Variants in JAG1 observed in about 807,000 individuals in gnomAD.
JAG1 encodes jagged canonical Notch ligand 1, also known as protein jagged-1.
JAG1 carries 23 observed loss-of-function variants against 148.7 expected under a neutral mutation model. The ratio of observed to expected loss-of-function variants is 0.15; its 90% CI spans 0.11 to 0.22. JAG1 has a LOEUF of 0.22. Among genes scored for constraint, JAG1 ranks in the 10% least tolerant of loss-of-function variants. The probability of loss-of-function intolerance (pLI) is 1.00; values close to 1 mark genes in which losing one functional copy is unlikely to be tolerated. For synonymous variants in JAG1, 572 were observed against 598.3 expected (o/e 0.96, Z 0.64); for missense variants, 1,054 against 1,611.2 (o/e 0.65, Z 5.92).
rs10485741 is a variant in JAG1 at position 10,656,409 on chromosome 20, T to C, written c.744A>G (p.Pro248=). Residue 248 remains proline (P), a synonymous_variant, in exon 5 of 26, where the codon CCA becomes CCG. Transcript: ENST00000254958. ...CSPKHGSCKL[P]GDCRCQYGWQ... ...ACCAGTTGATTTACCTGCAGTCACC[T>C]GGGAGTTTGCAAGACCCATGCTTAG... 0.073 allele frequency: 117,316 copies of C among 1,613,022 alleles called. 4,713 individuals are homozygous for C. The highest frequency in any genetic ancestry group is 0.11 in the Admixed American group (6,851 of 60,020).
In JAG1 at chr20:10,652,486, C is replaced by T. The variant is rs1412480153; in HGVS notation, c.868G>A (p.Gly290Ser). The stretch of plus-strand genomic sequence containing the variant: ...GCCATACCTTTGTCACAGAGCTGGC[C>T]GCCCCAGTTGGTCTCACAGAGGCAC... ...WQCLCETNWG[G>S]QLCDKDLNYC... Residue 290 changes from glycine to serine, a missense_variant, in exon 6 of 26, where the codon GGC (glycine) becomes AGC (serine). Physicochemically the swap from Gly to Ser is moderately conservative, Grantham distance 56 (BLOSUM62 0). Transcript: ENST00000254958. The T allele has an allele frequency of 7.4e-6, 12 of 1,614,006 alleles. No individual in the cohort carries two copies. Among genetic ancestry groups the T allele is most frequent in the Admixed American group, 5.0e-5 (3 of 60,014 alleles).
chr20:10,652,720 G>T, intron 5 of JAG1, 122 bp from the exon 6 acceptor site: 1 of 1,038,292 alleles, frequency 9.6e-7, no homozygotes, highest in Non-Finnish European at 1.4e-6. Flanking sequence ...CAGGAAGGTA[G>T]ACTCCCAAGG....
chr20:10,644,738 G>A, intron 18 of JAG1, 125 bp downstream of exon 18: 1 of 804,210 alleles, frequency 1.2e-6, no homozygotes, highest in Non-Finnish European at 2.2e-6. Context: ...AGTCATTAAT[G>A]CAGACCCAGG....
chr20:10,640,682 G>A (rs1600178341), intron 25 of JAG1, 101 bp downstream of exon 25: 5 of 1,266,376 alleles, frequency 3.9e-6, no homozygotes, highest in Middle Eastern at 1.9e-4. Flanking sequence ...TCCTGCGAGG[G>A]TAGGGCACTG....
In JAG1 at chr20:10,672,739, G is replaced by A. The variant is rs752608779; in HGVS notation, c.349C>T (p.Arg117Cys). Residue 117 changes from arginine to cysteine, a missense_variant, in exon 2 of 26, where the codon CGC becomes TGC. By Grantham distance (180) the Arg-to-Cys change is radical. Coordinates refer to ENST00000254958, the MANE Select transcript of JAG1 (RefSeq NM_000214.3). ...CTGAAAGGCAGCACGATGCGGTTGCGGTCGTTGCCGCGGCTGGCCTTGAGG... is the reference window on the plus strand; with the variant it reads ...CTGAAAGGCAGCACGATGCGGTTGCAGTCGTTGCCGCGGCTGGCCTTGAGG... ...FNLKASRGND[R>C]NRIVLPFSFA... The A allele has an allele frequency of 6.2e-7, 1 of 1,612,950 alleles. No homozygotes were observed.
intron 8 of JAG1, 31 bp from the exon 9 acceptor site, chr20:10,650,391 AT>A (rs772248405): frequency 8.2e-7 from 1 of 1,226,756 alleles, no homozygotes; most frequent in Non-Finnish European, 1.2e-6. Context: ...GGGGTTGACA[AT>A]TTAATTCAAT....
intron 2 of JAG1, among the ~76,000 whole-genome samples, chr20:10,667,567 G>T (rs911503160): frequency 6.6e-6 from 1 of 152,158 alleles, no homozygotes; most frequent in African/African-American, 2.4e-5. Context: ...AGTGGGTTTT[G>T]GGAAAGTGAG....
At position 10,646,911 on chromosome 20, in the gene JAG1, G is replaced by A. The variant is rs779677579; in HGVS notation, c.1885+28C>T. ...GGGCAGGGGCAGGCTGGGGAGCACT[G>A]GTCCATTCCCGGATGAGGGAGTCTT... On this transcript the variant is annotated intron_variant, in intron 14 of 25. Coordinates refer to ENST00000254958, the MANE Select transcript of JAG1 (RefSeq NM_000214.3). 3.1e-6 allele frequency: 5 copies of A among 1,611,066 alleles called. No individual in the cohort carries two copies. In the East Asian group the frequency reaches 1.1e-4, roughly 36 times the overall value.
intron 14 of JAG1, 90 bp downstream of exon 14, chr20:10,646,849 C>A (rs2067312589): frequency 1.3e-4 from 145 of 1,110,620 alleles, no homozygotes; most frequent in Middle Eastern, 2.6e-4. Flanking sequence ...AAACTTTCAA[C>A]ACCAATGATC....
chr20:10,638,325 A>C lies in JAG1; in HGVS notation c.*1173T>G, dbSNP rs2067246420. ...AAATCAAATCTACAAGTGGTTCAGT[A>C]TTATGTACGAATGGTGAAAAGAAAT... On this transcript the variant is annotated 3_prime_UTR_variant, in exon 26 of 26. Coordinates refer to ENST00000254958, the MANE Select transcript of JAG1 (RefSeq NM_000214.3). 6.6e-6 allele frequency: 1 copy of C among 152,630 alleles called. No individual in the cohort carries two copies. The highest frequency in any genetic ancestry group is 2.4e-5 in the African/African-American group (1 of 41,458). The allele number at this position is 152,630 out of a possible 1,614,324, so 9.5% of individuals were successfully genotyped here. A position where few individuals can be genotyped will look rare whatever the true frequency, so the allele number is the denominator to read the frequency against.
intron 7 of JAG1, among the ~76,000 whole-genome samples, 173 bp from the exon 8 acceptor site, chr20:10,651,867 C>G (rs1345437394): frequency 1.3e-5 from 2 of 152,206 alleles, no homozygotes; most frequent in African/African-American, 4.8e-5. Flanking sequence ...AGTCATCTTT[C>G]TCGCTGAGCT....
rs1253869391 is a variant in JAG1, at chr20:10,641,841, T to C, written c.2624A>G (p.Lys875Arg). Residue 875 changes from lysine to arginine, a missense_variant, in exon 22 of 26, where the codon AAA (lysine) becomes AGA (arginine). Lys to Arg is a conservative substitution (Grantham distance 26). Transcript: ENST00000254958. ...TMGSVIPDGA[K>R]WDDDCNTCQC... ...GCAGGTATTACAGTCATCATCCCAT[T>C]TGGCCCCATCTGGTATCACACTCCC... The C allele has an allele frequency of 1.2e-6, 2 of 1,614,020 alleles. No individual in the cohort carries two copies. The highest frequency in any genetic ancestry group is 2.7e-5 in the African/African-American group (2 of 74,916).
chr20:10,645,329 T>G lies in JAG1; in HGVS notation c.2113+27A>C, dbSNP rs117282238. On this transcript the variant is annotated intron_variant, in intron 16 of 25. Transcript: ENST00000254958. This position sits in a 1 kb window ranked among gnomAD's most constrained non-coding sequence, Gnocchi z 6.1. ...AAGACAGAGGGAAGGGTCCCAGAGATAGCATCCAAGGCCAACTACCACTTA... is the reference window on the plus strand; with the variant it reads ...AAGACAGAGGGAAGGGTCCCAGAGAGAGCATCCAAGGCCAACTACCACTTA... The G allele has an allele frequency of 3.1e-6, 5 of 1,606,796 alleles. No homozygotes were observed. In the African/African-American group the frequency reaches 4.0e-5, roughly 13 times the overall value.
Position 10,647,977 on chromosome 20 carries a change from C to T in JAG1, c.1703G>A (p.Arg568His), listed in dbSNP as rs575840031. The change falls in exon 13 of 26, where the codon CGC (arginine) becomes CAC (histidine). Residue 568 changes from arginine (R) to histidine (H), a missense_variant. Physicochemically the swap from Arg to His is conservative, Grantham distance 29. Coordinates refer to ENST00000254958, the MANE Select transcript of JAG1 (RefSeq NM_000214.3). ...GGAGGTACCTTCACAGGGGGTCGTGCGGCAGTGGTCTTTCAGGTGTGAGCA... is the reference window on the plus strand; with the variant it reads ...GGAGGTACCTTCACAGGGGGTCGTGTGGCAGTGGTCTTTCAGGTGTGAGCA... Reference protein sequence around the residue: ...KNCSHLKDHCRTTPCEVIDSC... With the variant: ...KNCSHLKDHCHTTPCEVIDSC... The T allele has an allele frequency of 9.9e-6, 16 of 1,614,012 alleles. No homozygotes were observed. Among genetic ancestry groups the T allele is most frequent in the East Asian group, 8.9e-5 (4 of 44,896 alleles).
chr20:10,640,565 C>T lies in JAG1; in HGVS notation c.3199+218G>A, dbSNP rs6040050. 0.25 allele frequency among the ~76,000 whole-genome samples: 37,561 copies of T among 152,082 alleles called. 5,251 individuals carry two copies. Among genetic ancestry groups the T allele is most frequent in the Admixed American group, 0.37 (5,648 of 15,282 alleles). On this transcript the variant is annotated intron_variant, in intron 25 of 25. Coordinates refer to ENST00000254958, the MANE Select transcript of JAG1 (RefSeq NM_000214.3). ...AGCACAATACCTGTTCTGCAGGGAA[C>T]GTTGCATAGTGTGTTGGGAAGGAAA...
intron 2 of JAG1, 107 bp from the exon 3 acceptor site, chr20:10,664,121 C>CA: frequency 1.1e-6 from 1 of 883,488 alleles, no homozygotes. Context: ...ACCATAATGC[C>CA]AAAATAAAAA....
At chr20:10,652,294 T>G (rs1337114907) in intron 6 of JAG1, 44 bp from the exon 7 acceptor site, 7 of 1,612,062 alleles carry the variant, frequency 4.3e-6, no homozygotes, top group Non-Finnish European at 5.1e-6. Context: ...CCTGTGAAGA[T>G]GGCGAACCCA....
At chr20:10,656,359 A>T in intron 5 of JAG1, 39 bp downstream of exon 5, 3 of 1,535,062 alleles carry the variant, frequency 2.0e-6, no homozygotes, top group Non-Finnish European at 2.7e-6. Context: ...TACATAAAGG[A>T]AAATTAAAAG....
intron 5 of JAG1, among the ~76,000 whole-genome samples, chr20:10,654,490 T>C (rs1185422945): frequency 6.6e-6 from 1 of 152,062 alleles, no homozygotes; most frequent in East Asian, 1.9e-4. Flanking sequence ...AGGGACTCAG[T>C]CTACTTGGGA....
Sources: allele counts gnomAD v4.1 joint callset (sites outside exome capture counted in the v4.1 genomes callset), GRCh38; gene constraint gnomAD v4.1.1; non-coding constraint Gnocchi (gnomAD v3.1); transcripts MANE v1.5; gene names NCBI Gene and HGNC (gene_info 2026-07-23, HGNC 2026-07-21).